The following CCDC171 variants were observed in gnomAD, a reference collection of about 807,000 sequenced individuals.
CCDC171 encodes coiled-coil domain-containing protein 171.
A neutral mutation model predicts 168.2 loss-of-function variants in CCDC171; 177 were observed. The ratio of observed to expected loss-of-function variants is 1.05; its 90% CI spans 0.93 to 1.19. The LOEUF (loss-of-function observed/expected upper bound fraction) is 1.19. Ranked by LOEUF, CCDC171 falls within the 50% of genes most tolerant of loss-of-function variation. CCDC171 has a pLI of 0.00. For synonymous variants in CCDC171, 687 were observed against 540.8 expected (o/e 1.27, Z -3.75); for missense variants, 1,991 against 1,539.0 (o/e 1.29, Z -4.91).
chr9:15,819,492 A>T lies in CCDC171; in HGVS notation c.3268-27210A>T, dbSNP rs1396427969. On this transcript the variant is annotated intron_variant, in intron 21 of 25. Coordinates refer to ENST00000380701, the MANE Select transcript of CCDC171 (RefSeq NM_173550.4). Reference sequence around the variant, plus strand: ...TAGACTCAAAATAAAGGGATGGAGGAAGATCTACCAAGCAAATGGAAAACA... The same window carrying T: ...TAGACTCAAAATAAAGGGATGGAGGTAGATCTACCAAGCAAATGGAAAACA... Among the ~76,000 whole-genome samples the T allele has an allele frequency of 1.7e-5, 2 of 117,278 alleles. 1 individual carries two copies. Among genetic ancestry groups the T allele is most frequent in the Non-Finnish European group, 3.8e-5 (2 of 52,328 alleles). 76.9% of individuals were successfully genotyped at this position (117,278 alleles called of 152,430 possible). A position where few individuals can be genotyped will look rare whatever the true frequency, so the allele number is the denominator to read the frequency against.
intron 18 of CCDC171, among the ~76,000 whole-genome samples, chr9:15,762,750 A>T (rs1292305237): frequency 6.6e-6 from 1 of 152,224 alleles, no homozygotes; most frequent in Non-Finnish European, 1.5e-5. Flanking sequence ...GTATACAAGA[A>T]AATGTATAGC....
At chr9:15,745,202 A>T (rs1426361893) in intron 17 of CCDC171, among the ~76,000 whole-genome samples, 3 of 152,262 alleles carry the variant, frequency 2.0e-5, no homozygotes, top group Non-Finnish European at 4.4e-5. Flanking sequence ...AGACAAATGT[A>T]AATTTTCCAG....
chr9:16,098,606 A>T, the CCDC171 span, among the ~76,000 whole-genome samples: 2 of 152,214 alleles, frequency 1.3e-5, no homozygotes, highest in African/African-American at 4.8e-5. Context: ...AAGTCGATGA[A>T]ATGAAATCTA....
At chr9:15,799,790 C>T (rs763982503) in intron 21 of CCDC171, among the ~76,000 whole-genome samples, 2 of 152,078 alleles carry the variant, frequency 1.3e-5, no homozygotes, top group African/African-American at 4.8e-5. Context: ...TTCTCTGCCT[C>T]TGGTAACCAT....
chr9:15,561,509 A>G (rs772741479), intron 1 of CCDC171, among the ~76,000 whole-genome samples: 14 of 152,176 alleles, frequency 9.2e-5, no homozygotes, highest in Non-Finnish European at 1.8e-4. Context: ...GCTAGAAATA[A>G]ATACTCTTTA....
intron 25 of CCDC171, among the ~76,000 whole-genome samples, chr9:15,956,857 C>A (rs1210721892): frequency 6.6e-6 from 1 of 151,904 alleles, no homozygotes; most frequent in African/African-American, 2.4e-5. Flanking sequence ...TGTCAGATGC[C>A]CCTTTTTTAA....
chr9:15,596,607 A>G (rs1450901781), intron 6 of CCDC171, among the ~76,000 whole-genome samples: 15 of 151,968 alleles, frequency 9.9e-5, no homozygotes, highest in Non-Finnish European at 1.9e-4. Context: ...CTTTTGGCTT[A>G]GGATTGACTT....
At chr9:15,665,571 A>C (rs1162755431) in intron 8 of CCDC171, among the ~76,000 whole-genome samples, 1 of 152,160 alleles carries the variant, frequency 6.6e-6, no homozygotes, top group East Asian at 1.9e-4. Flanking sequence ...ACTTGAAGCT[A>C]ACAGTTTAAG....
chr9:15,573,413 C>G (rs886810544), intron 3 of CCDC171, among the ~76,000 whole-genome samples: 4 of 152,090 alleles, frequency 2.6e-5, no homozygotes, highest in African/African-American at 7.2e-5. Context: ...TCCCCAGTAG[C>G]TGGGACTACA....
chr9:15,698,326 C>A (rs1401710749), intron 11 of CCDC171, among the ~76,000 whole-genome samples: 1 of 152,016 alleles, frequency 6.6e-6, no homozygotes, highest in Admixed American at 6.6e-5. Flanking sequence ...TTGAGACCAT[C>A]CTGGCTAACA....
intron 3 of CCDC171, among the ~76,000 whole-genome samples, chr9:16,001,990 C>T (rs763598577): frequency 2.0e-5 from 3 of 151,398 alleles, no homozygotes; most frequent in Non-Finnish European, 4.4e-5. Flanking sequence ...GCAGGAGCCA[C>T]CATTGCCCAT....
chr9:15,807,998 T>A (rs181833340), intron 21 of CCDC171, among the ~76,000 whole-genome samples: 1 of 152,074 alleles, frequency 6.6e-6, no homozygotes, highest in East Asian at 1.9e-4. Context: ...GTTTTACATA[T>A]TTTGTCCAGT....
At chr9:15,942,380 A>T (rs1408007897) in intron 25 of CCDC171, among the ~76,000 whole-genome samples, 1 of 151,944 alleles carries the variant, frequency 6.6e-6, no homozygotes, top group African/African-American at 2.4e-5. Context: ...TTTATTAATA[A>T]GGTCGTCTGG....
intron 4 of CCDC171, among the ~76,000 whole-genome samples, chr9:15,590,703 A>G (rs1351939357): frequency 1.3e-5 from 2 of 151,316 alleles, no homozygotes; most frequent in East Asian, 3.9e-4. Context: ...TTTGTAATCT[A>G]CTCTTTTTAA....
At chr9:15,559,302 CT>C (rs1422780862) in intron 1 of CCDC171, among the ~76,000 whole-genome samples, 2 of 152,092 alleles carry the variant, frequency 1.3e-5, no homozygotes, top group East Asian at 1.9e-4. Flanking sequence ...AACTTTCTGT[CT>C]CATTGATCTG....
At chr9:15,946,607 C>A (rs201076607) in intron 25 of CCDC171, among the ~76,000 whole-genome samples, 9 of 151,890 alleles carry the variant, frequency 5.9e-5, no homozygotes, top group East Asian at 3.9e-4. Flanking sequence ...AAGGTAATTT[C>A]TACATTCAAT....
At chr9:15,613,417 A>G (rs1191472998) in intron 6 of CCDC171, among the ~76,000 whole-genome samples, 1 of 152,246 alleles carries the variant, frequency 6.6e-6, no homozygotes, top group Non-Finnish European at 1.5e-5. Flanking sequence ...TTCTAAATAA[A>G]GACTCAAAAC....
At chr9:16,047,071 G>T (rs553875533) in intron 1 of CCDC171, among the ~76,000 whole-genome samples, 3 of 152,252 alleles carry the variant, frequency 2.0e-5, no homozygotes, top group African/African-American at 7.2e-5. Flanking sequence ...ACTTACCACA[G>T]TTTCCCTGGG....
In CCDC171 at chr9:15,779,064, G is replaced by C. The variant is rs773643166; in HGVS notation, c.2995G>C (p.Glu999Gln). Residue 999 changes from glutamate (E) to glutamine (Q), a missense_variant, in exon 20 of 26, where the codon GAA becomes CAA. Coordinates refer to ENST00000380701, the MANE Select transcript of CCDC171 (RefSeq NM_173550.4). ...CCGCTCACTACGCTTAGAGGTCACA[G>C]AATTCAAACGAAGTGTGAATGAAAT... is the stretch of plus-strand genomic sequence containing the variant. The part of the protein sequence containing the change: ...ERRSLRLEVT[E>Q]FKRSVNEMKK... 6.2e-7 allele frequency: 1 copy of C among 1,605,376 alleles called. No homozygotes were observed. The highest frequency in any genetic ancestry group is 1.1e-5 in the South Asian group (1 of 88,332).
Sources: gnomAD v4.1 joint callset for allele counts (sites outside exome capture counted in the v4.1 genomes callset) on GRCh38, gnomAD v4.1.1 for gene constraint, MANE v1.5 for transcripts, NCBI Gene and HGNC (gene_info 2026-07-23, HGNC 2026-07-21) for gene names.